The following TRNAU1AP variants were observed in gnomAD, a reference collection of about 807,000 sequenced individuals.
The protein encoded by TRNAU1AP is tRNA selenocysteine 1 associated protein 1, also known as tRNA selenocysteine 1-associated protein 1.
In TRNAU1AP, 33 loss-of-function variants were observed where a neutral mutation model predicts 43.3. That is an observed-to-expected ratio of 0.76 (90% CI 0.58 to 1.02). TRNAU1AP has a LOEUF of 1.02. Among genes scored for constraint, TRNAU1AP ranks in the 50% least tolerant of loss-of-function variants. TRNAU1AP has a pLI of 0.00. For missense variants in TRNAU1AP, 290 were observed against 362.7 expected (o/e 0.80, Z 1.63); for synonymous variants, 143 against 129.1 (o/e 1.11, Z -0.73).
At chr1:28,574,347 C>T (rs1311948678) in intron 8 of TRNAU1AP, among the ~76,000 whole-genome samples, 1 of 152,026 alleles carries the variant, frequency 6.6e-6, no homozygotes, top group Non-Finnish European at 1.5e-5. Flanking sequence ...CTCAGCCTCC[C>T]AAAGTGCTTT....
chr1:28,568,902 C>G (rs1412834176), intron 6 of TRNAU1AP, among the ~76,000 whole-genome samples: 1 of 151,840 alleles, frequency 6.6e-6, no homozygotes, highest in Non-Finnish European at 1.5e-5. Flanking sequence ...GCTTCCACCT[C>G]CCAGGTTCAA....
At chr1:28,556,942 G>T (rs927756443) in intron 2 of TRNAU1AP, among the ~76,000 whole-genome samples, 3 of 151,472 alleles carry the variant, frequency 2.0e-5, no homozygotes, top group African/African-American at 7.3e-5. Context: ...CTCCCAAAGT[G>T]CTGGGATTAC....
intron 8 of TRNAU1AP, among the ~76,000 whole-genome samples, chr1:28,576,539 G>A (rs972651992): frequency 2.0e-5 from 3 of 150,640 alleles, no homozygotes; most frequent in African/African-American, 7.3e-5. Flanking sequence ...GGATGGTCTC[G>A]ATCTCTTGAC....
At chr1:28,573,512 C>T (rs1015895708) in intron 8 of TRNAU1AP, among the ~76,000 whole-genome samples, 4 of 152,104 alleles carry the variant, frequency 2.6e-5, no homozygotes, top group African/African-American at 9.6e-5. Context: ...GTGGCTCACC[C>T]CTGTACTCCC....
At chr1:28,570,193 C>A (rs999309402) in intron 6 of TRNAU1AP, among the ~76,000 whole-genome samples, 2 of 152,124 alleles carry the variant, frequency 1.3e-5, no homozygotes, top group African/African-American at 2.4e-5. Flanking sequence ...AAGCGATTCT[C>A]CTTCCTTAGC....
At chr1:28,562,637 G>C (rs1293838259) in intron 4 of TRNAU1AP, among the ~76,000 whole-genome samples, 1 of 151,270 alleles carries the variant, frequency 6.6e-6, no homozygotes, top group Non-Finnish European at 1.5e-5. Flanking sequence ...CTGGCGTGCA[G>C]TGGCACGATC....
intron 4 of TRNAU1AP, among the ~76,000 whole-genome samples, chr1:28,563,863 A>G (rs544969752): frequency 6.6e-6 from 1 of 152,106 alleles, no homozygotes; most frequent in South Asian, 2.1e-4. Context: ...ACAAAAAGAA[A>G]AAAAAAATAA....
chr1:28,571,529 C>T (rs563270086), intron 7 of TRNAU1AP, among the ~76,000 whole-genome samples, 191 bp downstream of exon 7: 3 of 152,214 alleles, frequency 2.0e-5, no homozygotes, highest in Non-Finnish European at 2.9e-5. Context: ...CACCTGTAAT[C>T]CTAGCACTTT....
chr1:28,572,029 G>A, intron 8 of TRNAU1AP, 129 bp downstream of exon 8: 3 of 830,914 alleles, frequency 3.6e-6, no homozygotes, highest in South Asian at 2.8e-5. Flanking sequence ...TGGTTAGAGA[G>A]CCAGACAAAT....
At chr1:28,566,882 CGTT>C (rs941773140) in intron 5 of TRNAU1AP, among the ~76,000 whole-genome samples, 7 of 152,238 alleles carry the variant, frequency 4.6e-5, no homozygotes, top group Non-Finnish European at 5.9e-5. Flanking sequence ...AGAGCAGGAA[CGTT>C]GTCTTTCTGT....
intron 2 of TRNAU1AP, among the ~76,000 whole-genome samples, chr1:28,554,222 A>AAAAAC (rs1553121339): frequency 1.1e-4 from 15 of 142,792 alleles, no homozygotes; most frequent in African/African-American, 3.5e-4. Flanking sequence ...ACAAAAAAAC[A>AAAAAC]AAAAACGCAG....
At chr1:28,567,476 G>T in intron 6 of TRNAU1AP, 63 bp downstream of exon 6, 1 of 1,522,578 alleles carries the variant, frequency 6.6e-7, no homozygotes, top group South Asian at 1.3e-5. Context: ...TCTTTTGTTT[G>T]CTGAGAATCA....
At chr1:28,572,072 C>A (rs1257182335) in intron 8 of TRNAU1AP, among the ~76,000 whole-genome samples, 172 bp downstream of exon 8, 1 of 152,076 alleles carries the variant, frequency 6.6e-6, no homozygotes, top group African/African-American at 2.4e-5. Flanking sequence ...CGGGTGTTAC[C>A]CAGAGGTGTA....
intron 5 of TRNAU1AP, chr1:28,565,776 G>C (rs1173817482): frequency 1.3e-5 from 2 of 148,724 alleles, no homozygotes; most frequent in Non-Finnish European, 3.0e-5. Context: ...AACAGAGCAA[G>C]ATTCTGTCTC....
At chr1:28,566,913 C>T (rs1037839837) in intron 5 of TRNAU1AP, among the ~76,000 whole-genome samples, 3 of 152,264 alleles carry the variant, frequency 2.0e-5, no homozygotes, top group African/African-American at 7.2e-5. Flanking sequence ...GCATCCTGTG[C>T]GTAGCACAGT....
Position 28,567,403 on chromosome 1 carries a change from A to G in TRNAU1AP, c.520A>G (p.Ile174Val), listed in dbSNP as rs182614582. ...TAAGCCTGTGCGGCTGAGCGTGGCA[A>G]TCCCTAAAGCGTGAGTCCTGCAGGG... ...GSKPVRLSVA[I>V]PKASRVKPVE... The change falls in exon 6 of 9, where the codon ATC becomes GTC. Residue 174 changes from isoleucine (I) to valine (V), a missense_variant. This residue lies in a region of TRNAU1AP where 174 missense variants were observed against 262.1 expected (regional missense o/e 0.66). Coordinates refer to ENST00000373830, the MANE Select transcript of TRNAU1AP (RefSeq NM_017846.5). 6 of 1,607,892 alleles carry G rather than the reference A, an allele frequency of 3.7e-6. No homozygotes were observed. Among genetic ancestry groups the G allele is most frequent in the Admixed American group, 3.5e-5 (2 of 57,620 alleles).
In TRNAU1AP at chr1:28,577,485, TTGCTTGCTTTCCAGACCCCATGCC is replaced by T. The variant is rs1458165423; in HGVS notation, c.728-14_737del. 1 of 1,611,086 alleles carries T rather than the reference TTGCTTGCTTTCCAGACCCCATGCC, an allele frequency of 6.2e-7. No individual in the cohort carries two copies. The highest frequency in any genetic ancestry group is 1.7e-5 in the Admixed American group (1 of 59,838). ...TCCCTAGACTTCCCTGACCCCATCC[TTGCTTGCTTTCCAGACCCCATGCC>T]ACAGCTGGATGTGACTGAGGCCAAC... On this transcript the variant is annotated splice_acceptor_variant and splice_polypyrimidine_tract_variant and coding_sequence_variant and intron_variant, in exon 9 of 9. Coordinates refer to ENST00000373830, the MANE Select transcript of TRNAU1AP (RefSeq NM_017846.5). LOFTEE classifies it high-confidence loss of function.
chr1:28,561,120 G>GCTTA, intron 3 of TRNAU1AP: 2 of 1,403,738 alleles, frequency 1.4e-6, no homozygotes, highest in Non-Finnish European at 1.8e-6. Context: ...CAGTTACTTA[G>GCTTA]CTTACAGCTG....
chr1:28,576,760 C>T lies in TRNAU1AP; in HGVS notation c.728-740C>T, dbSNP rs943426768. On this transcript the variant is annotated intron_variant, in intron 8 of 8. Transcript: ENST00000373830. ...GATTATAGGCATGTGCCACCATGCC[C>T]GGCTCATTTTGTATTTTTAGTAGAG... Among the ~76,000 whole-genome samples, 32 of 152,274 alleles carry T rather than the reference C, an allele frequency of 2.1e-4. 1 individual carries two copies. The highest frequency in any genetic ancestry group is 4.8e-4 in the African/African-American group (20 of 41,564).
Sources: allele counts gnomAD v4.1 joint callset (sites outside exome capture counted in the v4.1 genomes callset), GRCh38; gene constraint gnomAD v4.1.1; regional missense constraint gnomAD v4.1.1; transcripts MANE v1.5; gene names NCBI Gene and HGNC (gene_info 2026-07-23, HGNC 2026-07-21).